Variants in FOXP4 observed in about 807,000 individuals in gnomAD.
FOXP4 encodes the protein forkhead box P4, also known as forkhead box protein P4.
FOXP4 carries 25 observed loss-of-function variants against 82.6 expected under a neutral mutation model. The observed-to-expected ratio is 0.30, with a 90% confidence interval of 0.22 to 0.42. FOXP4 has a LOEUF of 0.42. FOXP4 is among the 10% of genes least tolerant of loss of function. The probability of loss-of-function intolerance (pLI) is 1.00; values close to 1 mark genes in which losing one functional copy is unlikely to be tolerated. For missense variants in FOXP4, 785 were observed against 900.9 expected, an observed-to-expected ratio of 0.87 and a Z score of 1.65; for synonymous variants, 415 against 388.2, an observed-to-expected ratio of 1.07 and a Z score of -0.81.
rs1765989505 is a variant in FOXP4 at position 41,584,601 on chromosome 6, G to A, written c.301-168G>A. Among the ~76,000 whole-genome samples, 3 of 152,312 alleles carry A rather than the reference G, an allele frequency of 2.0e-5. No individual in the cohort carries two copies. In the South Asian group the frequency reaches 6.2e-4, roughly 32 times the overall value. Reference sequence around the variant, plus strand: ...AGATAAAGAAAACAGACAACAGGAAGGTAAGTCACTGTCCAAAGAGAGAGA... The same window carrying A: ...AGATAAAGAAAACAGACAACAGGAAAGTAAGTCACTGTCCAAAGAGAGAGA... On this transcript the variant is annotated intron_variant, in intron 3 of 16. Transcript: ENST00000307972.
chr6:41,593,600 G>A lies in FOXP4; in HGVS notation c.1537-1270G>A, dbSNP rs556434704. On this transcript the variant is annotated intron_variant, in intron 13 of 16. Transcript: ENST00000307972. The surrounding 1 kb of genome is among the most constrained non-coding windows in gnomAD (Gnocchi z 4.1). ...TTGGGGTCATTCTCATTTGCAAAGC[G>A]GAGGATCGGAGCCCCGTAATGCGGG... 3.3e-5 allele frequency among the ~76,000 whole-genome samples: 5 copies of A among 152,358 alleles called. No individual in the cohort carries two copies. Among genetic ancestry groups the A allele is most frequent in the East Asian group, 1.9e-4 (1 of 5,192 alleles).
chr6:41,569,807 G>A (rs1393202418), intron 2 of FOXP4, among the ~76,000 whole-genome samples: 1 of 152,138 alleles, frequency 6.6e-6, no homozygotes, highest in Non-Finnish European at 1.5e-5. Flanking sequence ...TGCAGTTGCC[G>A]TGGCAACTGG....
intron 1 of FOXP4, among the ~76,000 whole-genome samples, chr6:41,561,097 A>G (rs1300279229): frequency 1.3e-5 from 2 of 152,228 alleles, no homozygotes; most frequent in South Asian, 2.1e-4. Flanking sequence ...GGGAGCCCCC[A>G]GCGGCCCGCA....
intron 1 of FOXP4, among the ~76,000 whole-genome samples, chr6:41,560,228 T>A (rs545903857): frequency 6.6e-6 from 1 of 151,650 alleles, no homozygotes; most frequent in Admixed American, 6.6e-5. Context: ...AGCCCAGGAG[T>A]TGGAAACCAG....
intron 1 of FOXP4, among the ~76,000 whole-genome samples, chr6:41,551,916 A>G (rs2025645): frequency 0.35 from 53,688 of 151,984 alleles, 9,995 homozygotes; most frequent in African/African-American, 0.47. Flanking sequence ...GGTGGCTCAC[A>G]TGCAACTTGG....
chr6:41,589,667 T>C, intron 9 of FOXP4, 104 bp from the exon 10 acceptor site: 1 of 1,154,164 alleles, frequency 8.7e-7, no homozygotes, highest in Non-Finnish European at 1.2e-6. Context: ...CGAATGGGGG[T>C]GGGAATCGGC....
At chr6:41,590,413 A>C in intron 12 of FOXP4, 66 bp downstream of exon 12, 3 of 1,537,752 alleles carry the variant, frequency 2.0e-6, no homozygotes. Context: ...CCCCCGCCAC[A>C]CCCCTGCCTC....
At chr6:41,566,570 C>T (rs766304243) in intron 2 of FOXP4, among the ~76,000 whole-genome samples, 1 of 152,072 alleles carries the variant, frequency 6.6e-6, no homozygotes, top group Non-Finnish European at 1.5e-5. Context: ...GTGCAGAGTT[C>T]GGGAGTTTAA....
chr6:41,556,708 C>T (rs1764299561), intron 1 of FOXP4, among the ~76,000 whole-genome samples: 1 of 152,174 alleles, frequency 6.6e-6, no homozygotes, highest in African/African-American at 2.4e-5. Context: ...GAAGCCACCT[C>T]CTACAGAAAG....
chr6:41,576,926 A>G (rs1765520859), intron 2 of FOXP4, among the ~76,000 whole-genome samples: 1 of 152,134 alleles, frequency 6.6e-6, no homozygotes. Flanking sequence ...GGAAGCAGAT[A>G]AATTTTGTGC....
chr6:41,586,444 A>G (rs6920495), intron 5 of FOXP4, among the ~76,000 whole-genome samples: 58,976 of 151,932 alleles, frequency 0.39, 12,233 homozygotes, highest in African/African-American at 0.53. Flanking sequence ...GGGTGAGCCA[A>G]CGAGTACAGG....
At chr6:41,573,103 G>A (rs1209099186) in intron 2 of FOXP4, among the ~76,000 whole-genome samples, 1 of 152,082 alleles carries the variant, frequency 6.6e-6, no homozygotes, top group Non-Finnish European at 1.5e-5. Context: ...TTGTCTCCCT[G>A]ATTATCACGT....
chr6:41,581,624 C>T lies in FOXP4; in HGVS notation c.301-3145C>T, dbSNP rs566910224. Reference sequence around the variant, plus strand: ...GGAGCTCCAGCTCAGTTCTCAGACCCCCAAGGGGCACAAGGAGAGGTGGAT... The same window carrying T: ...GGAGCTCCAGCTCAGTTCTCAGACCTCCAAGGGGCACAAGGAGAGGTGGAT... On this transcript the variant is annotated intron_variant, in intron 3 of 16. Coordinates refer to ENST00000307972, the MANE Select transcript of FOXP4 (RefSeq NM_001012426.2). 2.4e-4 allele frequency among the ~76,000 whole-genome samples: 36 copies of T among 152,344 alleles called. 1 individual carries two copies. In the South Asian group the frequency reaches 7.5e-3, roughly 32 times the overall value.
intron 1 of FOXP4, among the ~76,000 whole-genome samples, chr6:41,550,515 A>G (rs1378649345): frequency 1.3e-5 from 2 of 152,250 alleles, no homozygotes; most frequent in Admixed American, 6.5e-5. Context: ...ACACAGCTAC[A>G]TGGTAGCACA....
At chr6:41,564,066 C>T (rs1398210331) in intron 1 of FOXP4, among the ~76,000 whole-genome samples, 1 of 152,200 alleles carries the variant, frequency 6.6e-6, no homozygotes, top group African/African-American at 2.4e-5. Context: ...ATGGTCTGAC[C>T]TGTTTGACTG....
chr6:41,598,475 C>G (rs1767007521), intron 16 of FOXP4, among the ~76,000 whole-genome samples: 1 of 152,180 alleles, frequency 6.6e-6, no homozygotes, highest in Non-Finnish European at 1.5e-5. Context: ...GCCTCGCCCT[C>G]CCAAAATGCT....
intron 13 of FOXP4, among the ~76,000 whole-genome samples, chr6:41,592,866 A>G (rs536031576): frequency 6.6e-6 from 1 of 152,144 alleles, no homozygotes; most frequent in Non-Finnish European, 1.5e-5. Flanking sequence ...GCCCTTGCCC[A>G]GCCCAGCCTT....
chr6:41,589,687 A>G, intron 9 of FOXP4, 84 bp from the exon 10 acceptor site: 2 of 1,424,126 alleles, frequency 1.4e-6, no homozygotes, highest in Non-Finnish European at 1.9e-6. Flanking sequence ...CGGCCTTCTG[A>G]AGAGCCTGGC....
chr6:41,559,921 A>G (rs9381079), intron 1 of FOXP4, among the ~76,000 whole-genome samples: 4,951 of 152,282 alleles, frequency 0.033, 282 homozygotes, highest in East Asian at 0.18. Context: ...TCTCCAAGGT[A>G]ACTTTGATGC....
Sources: gnomAD v4.1 joint callset for allele counts (sites outside exome capture counted in the v4.1 genomes callset) on GRCh38, gnomAD v4.1.1 for gene constraint, Gnocchi (gnomAD v3.1) non-coding constraint, MANE v1.5 for transcripts, NCBI Gene and HGNC (gene_info 2026-07-23, HGNC 2026-07-21) for gene names.